Variants in KIAA1671 observed in about 807,000 individuals in gnomAD.
KIAA1671 encodes uncharacterized protein KIAA1671.
KIAA1671 carries 52 observed loss-of-function variants against 131.2 expected under a neutral mutation model. The observed-to-expected ratio is 0.40, with a 90% confidence interval of 0.32 to 0.50. The LOEUF (loss-of-function observed/expected upper bound fraction) is 0.50, where lower values mean the gene tolerates loss of function less well. Among genes scored for constraint, KIAA1671 ranks in the 20% least tolerant of loss-of-function variants. The pLI is 0.73. For synonymous variants in KIAA1671, 1,003 were observed against 961.6 expected, an observed-to-expected ratio of 1.04 and a Z score of -0.80; for missense variants, 2,360 against 2,364.2, an observed-to-expected ratio of 1.00 and a Z score of 0.04.
At chr22:25,191,619 G>T (rs1251636826) in intron 12 of KIAA1671, among the ~76,000 whole-genome samples, 1 of 152,168 alleles carries the variant, frequency 6.6e-6, no homozygotes, top group Non-Finnish European at 1.5e-5. Flanking sequence ...TGTAAAATGG[G>T]TTAGCAGTGT....
At chr22:25,083,340 T>C (rs189774275) in intron 6 of KIAA1671, among the ~76,000 whole-genome samples, 29 of 152,328 alleles carry the variant, frequency 1.9e-4, no homozygotes, top group Admixed American at 3.9e-4. Flanking sequence ...AACACCCTTA[T>C]TTTAAACCTA....
intron 9 of KIAA1671, among the ~76,000 whole-genome samples, chr22:25,178,908 C>T (rs1467581302): frequency 1.3e-5 from 2 of 152,244 alleles, no homozygotes; most frequent in African/African-American, 4.8e-5. Context: ...GTACTGTAGC[C>T]TCGCCTGCTG....
At chr22:24,985,408 C>T (rs133090) in intron 1 of KIAA1671, among the ~76,000 whole-genome samples, 1 of 149,294 alleles carries the variant, frequency 6.7e-6, no homozygotes, top group Non-Finnish European at 1.5e-5. Context: ...GGTGCGATCT[C>T]GGCTCACTGC....
intron 6 of KIAA1671, among the ~76,000 whole-genome samples, chr22:25,133,224 A>G (rs1932522918): frequency 6.6e-6 from 1 of 152,128 alleles, no homozygotes; most frequent in African/African-American, 2.4e-5. Context: ...CTCAGATGAG[A>G]GAATTGTTGC....
At chr22:25,064,453 C>G (rs181741321) in intron 6 of KIAA1671, 1 of 152,278 alleles carries the variant, frequency 6.6e-6, no homozygotes, top group African/African-American at 2.4e-5. Flanking sequence ...CGGGGGCAGG[C>G]ACTGTCATCA....
rs1349834664 is a variant in KIAA1671, at chr22:25,197,046, A to T, written c.*4645A>T. 1 of 152,108 alleles carries T rather than the reference A, an allele frequency of 6.6e-6. No individual in the cohort carries two copies. The highest frequency in any genetic ancestry group is 1.5e-5 in the Non-Finnish European group (1 of 68,014). 9.4% of individuals were successfully genotyped at this position (152,108 alleles called of 1,614,324 possible). A position where few individuals can be genotyped will look rare whatever the true frequency, so the allele number is the denominator to read the frequency against. On this transcript the variant is annotated 3_prime_UTR_variant, in exon 13 of 13. Transcript: ENST00000358431. ...CCTCAGATCTTTGAGTCACGATAGA[A>T]AAGGAGCTCGAGTTCTTTGTGTAGG...
At chr22:25,017,860 C>T (rs1453805439) in intron 1 of KIAA1671, among the ~76,000 whole-genome samples, 1 of 152,190 alleles carries the variant, frequency 6.6e-6, no homozygotes, top group Non-Finnish European at 1.5e-5. Flanking sequence ...ACAAGTGTTA[C>T]ATGTGCCCCA....
At chr22:24,995,410 G>T (rs1320457026) in intron 1 of KIAA1671, among the ~76,000 whole-genome samples, 2 of 151,064 alleles carry the variant, frequency 1.3e-5, no homozygotes, top group East Asian at 1.9e-4. Context: ...AGGCTGGAGT[G>T]CAGTGGTGCA....
intron 6 of KIAA1671, among the ~76,000 whole-genome samples, chr22:25,113,333 C>T (rs993139474): frequency 3.3e-5 from 5 of 152,196 alleles, no homozygotes; most frequent in Admixed American, 1.3e-4. Flanking sequence ...GCCCAGGTCA[C>T]TGACCAGACC....
chr22:25,122,777 A>T (rs1932003058), intron 6 of KIAA1671, among the ~76,000 whole-genome samples: 1 of 152,188 alleles, frequency 6.6e-6, no homozygotes, highest in Admixed American at 6.5e-5. Context: ...GATCGAGACC[A>T]TCCTGGCTAA....
chr22:25,003,390 A>T (rs1384713787), intron 1 of KIAA1671, among the ~76,000 whole-genome samples: 1 of 144,810 alleles, frequency 6.9e-6, no homozygotes, highest in Admixed American at 7.0e-5. Flanking sequence ...ATCTCCTTTC[A>T]CTTGGAGAGA....
At chr22:24,981,006 CA>C (rs1923204095) in intron 1 of KIAA1671, among the ~76,000 whole-genome samples, 1 of 152,086 alleles carries the variant, frequency 6.6e-6, no homozygotes, top group African/African-American at 2.4e-5. Context: ...CTTGGCCTCC[CA>C]AAGTGCTGAG....
At chr22:25,056,172 A>ATT (rs1183887919) in intron 6 of KIAA1671, 1 of 148,752 alleles carries the variant, frequency 6.7e-6, no homozygotes, top group East Asian at 2.0e-4. Context: ...CCAGTGGAAT[A>ATT]TTTTATATAT....
intron 1 of KIAA1671, among the ~76,000 whole-genome samples, chr22:25,015,451 C>A (rs1244253810): frequency 6.6e-6 from 1 of 151,982 alleles, no homozygotes; most frequent in African/African-American, 2.4e-5. Context: ...CCAAAAATAG[C>A]ATAAATTGTA....
chr22:25,175,488 C>G (rs1933991308), intron 8 of KIAA1671: 1 of 152,198 alleles, frequency 6.6e-6, no homozygotes. Context: ...AAGAAAGACA[C>G]AAGTTGAGTC....
intron 7 of KIAA1671, among the ~76,000 whole-genome samples, chr22:25,171,808 T>C (rs5760889): frequency 0.11 from 16,176 of 150,908 alleles, 933 homozygotes; most frequent in East Asian, 0.16. Flanking sequence ...GGCGCTGGGG[T>C]GGAGAGGGAA....
intron 6 of KIAA1671, among the ~76,000 whole-genome samples, chr22:25,098,433 T>C (rs753511814): frequency 6.6e-6 from 1 of 152,184 alleles, no homozygotes; most frequent in African/African-American, 2.4e-5. Flanking sequence ...TCTGTTCTTA[T>C]AAGCCTTCCT....
intron 1 of KIAA1671, among the ~76,000 whole-genome samples, chr22:24,995,855 A>C (rs1391884245): frequency 6.6e-6 from 1 of 152,228 alleles, no homozygotes; most frequent in East Asian, 1.9e-4. Flanking sequence ...GAGTTGCCCA[A>C]GGTCACACAG....
At chr22:24,996,230 C>T (rs1048237077) in intron 1 of KIAA1671, among the ~76,000 whole-genome samples, 40 of 151,110 alleles carry the variant, frequency 2.6e-4, no homozygotes, top group African/African-American at 7.8e-4. Context: ...GGCTCCCTCT[C>T]GGACTCAGAG....
Sources: allele counts gnomAD v4.1 joint callset (sites outside exome capture counted in the v4.1 genomes callset), GRCh38; gene constraint gnomAD v4.1.1; transcripts MANE v1.5; gene names NCBI Gene and HGNC (gene_info 2026-07-23, HGNC 2026-07-21).